The following NR3C2 variants were observed in gnomAD, a reference collection of about 807,000 sequenced individuals.
NR3C2 encodes the protein nuclear receptor subfamily 3 group C member 2, also known as mineralocorticoid receptor.
In NR3C2, 15 loss-of-function variants were observed where a neutral mutation model predicts 86.4. The ratio of observed to expected loss-of-function variants is 0.17; its 90% CI spans 0.12 to 0.27. The LOEUF is 0.27. Ranked by LOEUF, NR3C2 falls within the 10% of genes least tolerant of loss-of-function variation. The probability of loss-of-function intolerance (pLI) is 1.00; values close to 1 mark genes in which losing one functional copy is unlikely to be tolerated. For missense variants in NR3C2, 960 were observed against 1,195.6 expected, an observed-to-expected ratio of 0.80 and a Z score of 2.91; for synonymous variants, 458 against 450.5, an observed-to-expected ratio of 1.02 and a Z score of -0.21.
intron 2 of NR3C2, among the ~76,000 whole-genome samples, chr4:148,272,094 A>G (rs1029509743): frequency 2.0e-5 from 3 of 152,180 alleles, no homozygotes; most frequent in South Asian, 4.1e-4. Flanking sequence ...AGGTCTCTTG[A>G]TATGTATCAA....
At chr4:148,188,534 G>A (rs1736043356) in intron 4 of NR3C2, among the ~76,000 whole-genome samples, 1 of 152,038 alleles carries the variant, frequency 6.6e-6, no homozygotes, top group African/African-American at 2.4e-5. Flanking sequence ...TTTTCTGCTT[G>A]GTTGCTGTTG....
intron 2 of NR3C2, among the ~76,000 whole-genome samples, chr4:148,361,171 T>A (rs1295835048): frequency 6.6e-6 from 1 of 152,174 alleles, no homozygotes; most frequent in Non-Finnish European, 1.5e-5. Flanking sequence ...TGAGGATTTT[T>A]AAAAATGCAA....
intron 2 of NR3C2, among the ~76,000 whole-genome samples, chr4:148,308,360 T>C (rs912435236): frequency 2.0e-5 from 3 of 152,120 alleles, no homozygotes; most frequent in African/African-American, 7.2e-5. Flanking sequence ...GTAGGAAAAT[T>C]TGTTGCATAT....
intron 2 of NR3C2, among the ~76,000 whole-genome samples, chr4:148,298,161 C>T (rs1035704226): frequency 1.9e-4 from 29 of 152,112 alleles, no homozygotes; most frequent in African/African-American, 6.8e-4. Flanking sequence ...TTCAAAGAAG[C>T]AGCCTATAGA....
chr4:148,339,484 C>T (rs1038383530), intron 2 of NR3C2, among the ~76,000 whole-genome samples: 2 of 152,070 alleles, frequency 1.3e-5, no homozygotes, highest in Non-Finnish European at 2.9e-5. Flanking sequence ...CTTATTGATG[C>T]TTTTGGTCAA....
intron 8 of NR3C2, among the ~76,000 whole-genome samples, chr4:148,096,700 A>T (rs928752177): frequency 6.6e-6 from 1 of 152,190 alleles, no homozygotes. Flanking sequence ...ACTGAAAAAA[A>T]ATCCAAAGAA....
At chr4:148,317,265 G>A (rs913730703) in intron 2 of NR3C2, among the ~76,000 whole-genome samples, 2 of 151,560 alleles carry the variant, frequency 1.3e-5, no homozygotes, top group Non-Finnish European at 2.9e-5. Flanking sequence ...TGTGGCAGGA[G>A]AATCACTTTA....
chr4:148,423,559 C>A (rs563283733), intron 2 of NR3C2, among the ~76,000 whole-genome samples: 31 of 152,148 alleles, frequency 2.0e-4, no homozygotes, highest in Admixed American at 5.2e-4. Flanking sequence ...ACATAATTGG[C>A]GGGGGGAAAA....
chr4:148,397,694 T>C (rs1481704268), intron 2 of NR3C2, among the ~76,000 whole-genome samples: 1 of 152,180 alleles, frequency 6.6e-6, no homozygotes, highest in African/African-American at 2.4e-5. Flanking sequence ...TTCTTATAAA[T>C]GTGAATAGTT....
intron 2 of NR3C2, among the ~76,000 whole-genome samples, chr4:148,262,434 C>A (rs1195219944): frequency 6.6e-6 from 1 of 152,086 alleles, no homozygotes; most frequent in Admixed American, 6.6e-5. Flanking sequence ...TTCAACTGCC[C>A]ACGTGGTATC....
chr4:148,407,455 ATATAAT>A (rs768417591), intron 2 of NR3C2, among the ~76,000 whole-genome samples: 99 of 152,334 alleles, frequency 6.5e-4, no homozygotes, highest in Admixed American at 5.9e-4. Flanking sequence ...CTTCTCAAAC[ATATAAT>A]TAGTTTTGAT....
chr4:148,435,762 T>C lies in NR3C2; in HGVS notation c.1099A>G (p.Lys367Glu). 1.2e-6 allele frequency: 2 copies of C among 1,614,114 alleles called. No individual in the cohort carries two copies. Among genetic ancestry groups the C allele is most frequent in the Non-Finnish European group, 8.5e-7 (1 of 1,180,030 alleles). The change falls in exon 2 of 9, where the codon AAA becomes GAA. Residue 367 changes from lysine to glutamate, a missense_variant. Lys to Glu is a moderately conservative substitution (Grantham distance 56). Around this residue, in one of 4 missense-constraint regions of NR3C2, gnomAD observed 680 missense variants for 719.0 expected, o/e 0.95. Transcript: ENST00000358102. ...GGAAAAGGGACCTCTTGAGCACCTT[T>C]CTCCTGCGTGTCTGGACTGGGAACC... ...DVVPSPDTQE[K>E]GAQEVPFPKT...
intron 3 of NR3C2, among the ~76,000 whole-genome samples, chr4:148,196,203 C>A (rs1736435380): frequency 1.3e-5 from 2 of 152,068 alleles, no homozygotes; most frequent in Admixed American, 1.3e-4. Context: ...GTTAAGAAGG[C>A]CTTAAGATTC....
rs569582662 is a variant in NR3C2 at position 148,091,375 on chromosome 4, C to T, written c.2800-9876G>A. Among the ~76,000 whole-genome samples the T allele has an allele frequency of 3.9e-5, 6 of 152,368 alleles. No homozygotes were observed. The East Asian group carries it at 7.7e-4, about 20-fold the overall frequency. ...CCAGGGAAGCCTTCAGGGCAGAACC[C>T]ACAGATGCCTGGCCCTTAGCAGATG... On this transcript the variant is annotated intron_variant, in intron 8 of 8. Coordinates refer to ENST00000358102, the MANE Select transcript of NR3C2 (RefSeq NM_000901.5).
chr4:148,436,002 T>A lies in NR3C2; in HGVS notation c.859A>T (p.Ser287Cys), dbSNP rs745890821. 3.7e-6 allele frequency: 6 copies of A among 1,614,064 alleles called. No homozygotes were observed. Among genetic ancestry groups the A allele is most frequent in the Admixed American group, 1.7e-5 (1 of 60,002 alleles). Residue 287 changes from serine (S) to cysteine (C), a missense_variant, in exon 2 of 9, where the codon AGT becomes TGT. Physicochemically the swap from Ser to Cys is moderately radical, Grantham distance 112. Around this residue, in one of 4 missense-constraint regions of NR3C2, gnomAD observed 680 missense variants for 719.0 expected, o/e 0.95. Coordinates refer to ENST00000358102, the MANE Select transcript of NR3C2 (RefSeq NM_000901.5). ...SHCSVKSPVS[S>C]PNNVTLRSSV... Reference sequence around the variant, plus strand: ...GATCTCAGAGTGACATTATTGGGACTGGAGACTGGAGATTTTACACTGCAG... The same window carrying A: ...GATCTCAGAGTGACATTATTGGGACAGGAGACTGGAGATTTTACACTGCAG...
At chr4:148,385,356 T>G (rs1197592387) in intron 2 of NR3C2, among the ~76,000 whole-genome samples, 1 of 152,220 alleles carries the variant, frequency 6.6e-6, no homozygotes, top group Non-Finnish European at 1.5e-5. Flanking sequence ...TAAAAAATAA[T>G]GAAAAGCATT....
chr4:148,191,405 G>A (rs545630607), intron 4 of NR3C2, among the ~76,000 whole-genome samples: 64 of 152,294 alleles, frequency 4.2e-4, no homozygotes, highest in Admixed American at 1.6e-3. Context: ...CTGTCTCACA[G>A]CTCTTAAGAT....
intron 2 of NR3C2, among the ~76,000 whole-genome samples, chr4:148,322,683 C>T (rs1231005412): frequency 8.7e-6 from 1 of 114,680 alleles, no homozygotes; most frequent in South Asian, 3.7e-4. Context: ...GCTCCTGAGG[C>T]TTCTGCATTC....
At chr4:148,283,562 T>C (rs1741355796) in intron 2 of NR3C2, among the ~76,000 whole-genome samples, 1 of 152,258 alleles carries the variant, frequency 6.6e-6, no homozygotes, top group African/African-American at 2.4e-5. Context: ...AACAATCATC[T>C]GAACCTGAGG....
Sources: gnomAD v4.1 joint callset for allele counts (sites outside exome capture counted in the v4.1 genomes callset) on GRCh38, gnomAD v4.1.1 for gene constraint, gnomAD v4.1.1 regional missense constraint, MANE v1.5 for transcripts, NCBI Gene and HGNC (gene_info 2026-07-23, HGNC 2026-07-21) for gene names.